The following RNF20 variants were observed in gnomAD, a reference collection of about 807,000 sequenced individuals.
The protein encoded by RNF20 is ring finger protein 20, also known as E3 ubiquitin-protein ligase BRE1A.
Under a neutral mutation model 126.2 loss-of-function variants are expected in RNF20, and 84 were observed. The ratio of observed to expected loss-of-function variants is 0.67; its 90% CI spans 0.56 to 0.80. RNF20 has a LOEUF of 0.80. Ranked by LOEUF, RNF20 falls within the 30% of genes least tolerant of loss-of-function variation. The pLI is 0.00. For missense variants in RNF20, 869 were observed against 1,188.2 expected (o/e 0.73, Z 3.95); for synonymous variants, 400 against 414.3 (o/e 0.97, Z 0.42).
At chr9:101,534,605 A>G (rs1032276560) in intron 1 of RNF20, among the ~76,000 whole-genome samples, 1 of 152,192 alleles carries the variant, frequency 6.6e-6, no homozygotes, top group Admixed American at 6.5e-5. Flanking sequence ...GGAAGTATAT[A>G]CTGTGGTTAT....
In RNF20 at chr9:101,546,785, CT is replaced by C. The variant is rs1395191309; in HGVS notation, c.748-34del. 3.7e-6 allele frequency: 6 copies of C among 1,607,598 alleles called. No individual in the cohort carries two copies. The East Asian group carries it at 1.1e-4, about 30-fold the overall frequency. On this transcript the variant is annotated intron_variant, in intron 6 of 19. Coordinates refer to ENST00000389120, the MANE Select transcript of RNF20 (RefSeq NM_019592.7). ...TATTATGGAATTTGGTCTTTTTTTG[CT>C]ATATGTTTCTGAATGTTTGTCTTTG...
In RNF20 at chr9:101,537,197, A is replaced by T. The variant is rs568026799; in HGVS notation, c.129+1645A>T. The stretch of plus-strand genomic sequence containing the variant: ...CAGGACTTAGCACAGAGTTTTTGCT[A>T]TAGGAGGCCTTTGCAGTAATCTTAA... On this transcript the variant is annotated intron_variant, in intron 2 of 19. Coordinates refer to ENST00000389120, the MANE Select transcript of RNF20 (RefSeq NM_019592.7). 7.9e-5 allele frequency among the ~76,000 whole-genome samples: 12 copies of T among 152,340 alleles called. No homozygotes were observed. The East Asian group carries it at 2.3e-3, about 29-fold the overall frequency.
intron 2 of RNF20, among the ~76,000 whole-genome samples, chr9:101,537,858 T>C (rs1049920364): frequency 6.6e-6 from 1 of 152,132 alleles, no homozygotes; most frequent in African/African-American, 2.4e-5. Context: ...CAAAACACCT[T>C]TGTTGGTGAA....
rs778878269 is a variant in RNF20 at position 101,554,680 on chromosome 9, C to G, written c.2020-14C>G. On this transcript the variant is annotated splice_polypyrimidine_tract_variant and intron_variant, in intron 14 of 19. Coordinates refer to ENST00000389120, the MANE Select transcript of RNF20 (RefSeq NM_019592.7). ...ATAACTTTTTATTTTTGTGCAATTCCTTTCCTCTTATAGTTGGAAGATCTA... is the reference window on the plus strand; with the variant it reads ...ATAACTTTTTATTTTTGTGCAATTCGTTTCCTCTTATAGTTGGAAGATCTA... 1.4e-5 allele frequency: 22 copies of G among 1,606,666 alleles called. No homozygotes were observed. The highest frequency in any genetic ancestry group is 6.6e-5 in the South Asian group (6 of 90,234).
intron 5 of RNF20, among the ~76,000 whole-genome samples, chr9:101,541,206 A>C (rs1827255431): frequency 6.6e-6 from 1 of 152,186 alleles, no homozygotes; most frequent in Non-Finnish European, 1.5e-5. Flanking sequence ...AATAGCTAGG[A>C]CTATAGGCAC....
chr9:101,550,901 C>T (rs888039309), intron 10 of RNF20, 116 bp downstream of exon 10: 8 of 959,298 alleles, frequency 8.3e-6, no homozygotes, highest in Non-Finnish European at 1.3e-5. Flanking sequence ...CATAGAGTGG[C>T]AGTAGGTCTT....
chr9:101,535,202 C>G lies in RNF20; in HGVS notation c.-26-196C>G, dbSNP rs77562667. 9.8e-3 allele frequency among the ~76,000 whole-genome samples: 1,492 copies of G among 151,890 alleles called. 22 individuals carry two copies. The highest frequency in any genetic ancestry group is 0.034 in the African/African-American group (1,414 of 41,442). ...GATTACAGACATGAGCCACCGCGCC[C>G]GGCCCGCCTTGACTTTTACTCTACA... is the stretch of plus-strand genomic sequence containing the variant. On this transcript the variant is annotated intron_variant, in intron 1 of 19. Transcript: ENST00000389120.
In RNF20 at chr9:101,540,513, C is replaced by A. The variant is rs1827244103; in HGVS notation, c.321C>A (p.Ile107=). Reference sequence around the variant, plus strand: ...AGTTTGATGAAAACATCCGTATCATCCTTAAACGTTATGATCTGGAGCAGG... The same window carrying A: ...AGTTTGATGAAAACATCCGTATCATACTTAAACGTTATGATCTGGAGCAGG... The part of the protein sequence containing the change: ...WSQFDENIRI[I]LKRYDLEQGL... The change falls in exon 4 of 20, where the codon ATC becomes ATA. Residue 107 remains isoleucine (I), a synonymous_variant. Coordinates refer to ENST00000389120, the MANE Select transcript of RNF20 (RefSeq NM_019592.7). The A allele has an allele frequency of 6.2e-7, 1 of 1,613,964 alleles. No homozygotes were observed. The highest frequency in any genetic ancestry group is 8.5e-7 in the Non-Finnish European group (1 of 1,179,988).
At position 101,557,572 on chromosome 9, in the gene RNF20, C is replaced by T; in HGVS notation, c.2358C>T (p.Asp786=). Residue 786 remains aspartate, a synonymous_variant, in exon 16 of 20, where the codon GAC becomes GAT. Transcript: ENST00000389120. ...LLKEEKEELA[D]QVLTLKTQVD... is the part of the protein sequence containing the mutation. ...AAGAAGAGAAGGAGGAGCTGGCAGA[C>T]CAGGTGTTGACTCTGAAGACTCAGG... The T allele has an allele frequency of 1.2e-6, 2 of 1,613,572 alleles. No homozygotes were observed. Among genetic ancestry groups the T allele is most frequent in the South Asian group, 2.2e-5 (2 of 91,054 alleles).
intron 9 of RNF20, among the ~76,000 whole-genome samples, chr9:101,549,319 C>A (rs1345683799): frequency 6.6e-6 from 1 of 152,170 alleles, no homozygotes; most frequent in Non-Finnish European, 1.5e-5. Context: ...TGCCTGGCAG[C>A]CGAGGCATAG....
At chr9:101,554,915 A>G in intron 15 of RNF20, 72 bp downstream of exon 15, 1 of 1,252,260 alleles carries the variant, frequency 8.0e-7, no homozygotes, top group Non-Finnish European at 1.0e-6. Flanking sequence ...TGCCAGTGAA[A>G]TTTGCTTTTT....
chr9:101,546,752 A>C, intron 6 of RNF20, 68 bp from the exon 7 acceptor site: 1 of 1,519,286 alleles, frequency 6.6e-7, no homozygotes, highest in Non-Finnish European at 9.1e-7. Flanking sequence ...CTCATAAGCA[A>C]GGGTTAATAT....
chr9:101,544,778 G>T lies in RNF20; in HGVS notation c.640G>T (p.Val214Leu). 4 of 1,599,926 alleles carry T rather than the reference G, an allele frequency of 2.5e-6. No individual in the cohort carries two copies. Among genetic ancestry groups the T allele is most frequent in the Non-Finnish European group, 3.4e-6 (4 of 1,167,246 alleles). Residue 214 changes from valine to leucine, a missense_variant, in exon 6 of 20, where the codon GTG (valine) becomes TTG (leucine). Transcript: ENST00000389120. ...RKLNSGDNLIVEEAVQELNSF... is the reference protein window; with the variant it reads ...RKLNSGDNLILEEAVQELNSF... ...TTCTTCTTCCCCAGATAATCTGATA[G>T]TGGAGGAAGCAGTGCAGGAGCTGAA...
chr9:101,552,720 C>T lies in RNF20; in HGVS notation c.1868C>T (p.Ala623Val), dbSNP rs776425561. The change falls in exon 13 of 20, where the codon GCA (alanine) becomes GTA (valine). Residue 623 changes from alanine to valine, a missense_variant. Ala to Val is a moderately conservative substitution (Grantham distance 64, BLOSUM62 0). Transcript: ENST00000389120. ...CATGATGATGGACGGAAAAAGGAAG[C>T]AGAAATTATCAAACAATTGAAGATT... ...GKHDDGRKKE[A>V]EIIKQLKIEL... 2.5e-6 allele frequency: 4 copies of T among 1,604,644 alleles called. No homozygotes were observed. In the Admixed American group the frequency reaches 5.0e-5, roughly 20 times the overall value.
chr9:101,538,912 G>A (rs376380880), intron 2 of RNF20, among the ~76,000 whole-genome samples: 137 of 152,254 alleles, frequency 9.0e-4, no homozygotes, highest in African/African-American at 3.1e-3. Flanking sequence ...TCCCTGGTTT[G>A]TCCTAGGGAA....
chr9:101,555,454 A>G (rs62575844), intron 15 of RNF20, among the ~76,000 whole-genome samples: 14,162 of 152,150 alleles, frequency 0.093, 715 homozygotes, highest in Middle Eastern at 0.14. Flanking sequence ...TTTAAATGCC[A>G]GGGAATTTTT....
At position 101,561,952 on chromosome 9, in the gene RNF20, A is replaced by C; in HGVS notation, c.2692A>C (p.Lys898Gln). 1 of 1,613,864 alleles carries C rather than the reference A, an allele frequency of 6.2e-7. No homozygotes were observed. The highest frequency in any genetic ancestry group is 8.5e-7 in the Non-Finnish European group (1 of 1,179,800). The change falls in exon 19 of 20, where the codon AAA becomes CAA. Residue 898 changes from lysine to glutamine, a missense_variant. Lys to Gln is a moderately conservative substitution (Grantham distance 53). Transcript: ENST00000389120. ...TCGCAGGAAGCTGGAGACCACAAAG[A>C]AACCAGACAATGTACCCAAGTGTGA... ...RLRRKLETTKKPDNVPKCDEI... is the reference protein window; with the variant it reads ...RLRRKLETTKQPDNVPKCDEI...
In RNF20 at chr9:101,554,087, G is replaced by A. The variant is rs147900751; in HGVS notation, c.2001G>A (p.Glu667=). 1.2e-4 allele frequency: 193 copies of A among 1,603,078 alleles called. 1 individual carries two copies. The African/African-American group carries it at 2.0e-3, about 17-fold the overall frequency. Residue 667 remains glutamate (E), a synonymous_variant, in exon 14 of 20, where the codon GAG becomes GAA. Coordinates refer to ENST00000389120, the MANE Select transcript of RNF20 (RefSeq NM_019592.7). Reference sequence around the variant, plus strand: ...ACAAAGTTCAGCTGATGGCAGCTGAGAAGAAGTCTAAGGCAGAGGTATTCT... The same window carrying A: ...ACAAAGTTCAGCTGATGGCAGCTGAAAAGAAGTCTAAGGCAGAGGTATTCT... The part of the protein sequence containing the change: ...QRDKVQLMAA[E]KKSKAELEDL...
At chr9:101,545,952 C>G (rs1174787299) in intron 6 of RNF20, among the ~76,000 whole-genome samples, 1 of 152,142 alleles carries the variant, frequency 6.6e-6, no homozygotes, top group Non-Finnish European at 1.5e-5. Context: ...TGCAGTTTGC[C>G]TCTCCATCAT....
Sources: gnomAD v4.1 joint callset for allele counts (sites outside exome capture counted in the v4.1 genomes callset) on GRCh38, gnomAD v4.1.1 for gene constraint, MANE v1.5 for transcripts, NCBI Gene and HGNC (gene_info 2026-07-23, HGNC 2026-07-21) for gene names.